Variants in FHIT observed in about 807,000 individuals in gnomAD.
FHIT encodes the protein bis(5'-adenosyl)-triphosphatase.
A neutral mutation model predicts 17.9 loss-of-function variants in FHIT; 19 were observed. The ratio of observed to expected loss-of-function variants is 1.06; its 90% confidence interval spans 0.74 to 1.56. FHIT has a LOEUF of 1.56. Ranked by LOEUF, FHIT falls within the 40% of genes most tolerant of loss-of-function variation. FHIT has a pLI of 0.00. For missense variants in FHIT, 248 were observed against 189.2 expected (o/e 1.31, Z -1.82); for synonymous variants, 81 against 69.7 (o/e 1.16, Z -0.81).
chr3:59,930,457 G>C (rs1705914165), intron 7 of FHIT, among the ~76,000 whole-genome samples: 1 of 152,118 alleles, frequency 6.6e-6, no homozygotes, highest in South Asian at 2.1e-4. Flanking sequence ...TAAAGATCTG[G>C]TTAGAGGTTC....
intron 4 of FHIT, among the ~76,000 whole-genome samples, chr3:60,817,604 G>A (rs887984806): frequency 4.6e-5 from 7 of 151,512 alleles, no homozygotes; most frequent in South Asian, 2.1e-4. Context: ...AGACGTCATC[G>A]TTCATTTAAA....
At chr3:60,519,210 G>GA (rs1559507932) in intron 5 of FHIT, among the ~76,000 whole-genome samples, 1 of 152,152 alleles carries the variant, frequency 6.6e-6, no homozygotes, top group African/African-American at 2.4e-5. Context: ...ACAGTGGGCA[G>GA]ATATTCTTAT....
At chr3:60,176,208 C>T (rs781376049) in intron 5 of FHIT, among the ~76,000 whole-genome samples, 6 of 152,010 alleles carry the variant, frequency 3.9e-5, no homozygotes, top group African/African-American at 7.3e-5. Flanking sequence ...AAAAATTAGC[C>T]GGGCATGTTG....
intron 5 of FHIT, among the ~76,000 whole-genome samples, chr3:60,111,518 C>T (rs977797911): frequency 6.6e-6 from 1 of 152,174 alleles, no homozygotes; most frequent in South Asian, 2.1e-4. Flanking sequence ...TGTAATTACC[C>T]ATTTCTTTGG....
intron 2 of FHIT, among the ~76,000 whole-genome samples, chr3:61,065,859 C>G (rs796150394): frequency 2.0e-5 from 3 of 152,166 alleles, no homozygotes; most frequent in African/African-American, 7.2e-5. Flanking sequence ...TTCTACAGAC[C>G]CATTACAGAC....
At chr3:60,386,253 T>C (rs1701007209) in intron 5 of FHIT, among the ~76,000 whole-genome samples, 1 of 152,072 alleles carries the variant, frequency 6.6e-6, no homozygotes. Context: ...ACTACCACTG[T>C]ACAGCGAGGG....
At chr3:60,931,591 CA>C (rs1553771826) in intron 3 of FHIT, among the ~76,000 whole-genome samples, 1 of 128,574 alleles carries the variant, frequency 7.8e-6, no homozygotes, top group Admixed American at 7.6e-5. Context: ...TTCCGGCTTC[CA>C]CCCCTGTTTG....
At chr3:60,798,790 C>A (rs2594163) in intron 4 of FHIT, among the ~76,000 whole-genome samples, 1 of 134,168 alleles carries the variant, frequency 7.5e-6, no homozygotes. Context: ...CTGAGTCTTG[C>A]TCTGTTGCCC....
At chr3:61,034,987 A>C (rs537968886) in intron 3 of FHIT, among the ~76,000 whole-genome samples, 1 of 152,348 alleles carries the variant, frequency 6.6e-6, no homozygotes, top group Non-Finnish European at 1.5e-5. Context: ...CTTCTGATAC[A>C]TCTTATAACC....
chr3:61,001,291 G>C (rs1208249159), intron 3 of FHIT, among the ~76,000 whole-genome samples: 1 of 152,148 alleles, frequency 6.6e-6, no homozygotes, highest in Non-Finnish European at 1.5e-5. Context: ...ATATTACCCA[G>C]AAGTGGCACT....
intron 5 of FHIT, among the ~76,000 whole-genome samples, chr3:60,255,486 C>A (rs913767063): frequency 1.3e-5 from 2 of 151,944 alleles, no homozygotes; most frequent in South Asian, 4.2e-4. Context: ...GCCAGCCGGA[C>A]AGAGCAAGCA....
intron 8 of FHIT, among the ~76,000 whole-genome samples, chr3:59,786,178 C>T (rs1286318669): frequency 2.0e-5 from 3 of 152,120 alleles, no homozygotes; most frequent in Non-Finnish European, 4.4e-5. Flanking sequence ...CTAGATAATC[C>T]GTGCCAATAA....
intron 5 of FHIT, among the ~76,000 whole-genome samples, chr3:60,397,818 T>G (rs1279375862): frequency 6.6e-6 from 1 of 152,212 alleles, no homozygotes; most frequent in Non-Finnish European, 1.5e-5. Context: ...ATCCTCACCT[T>G]TCACCTATTT....
intron 2 of FHIT, among the ~76,000 whole-genome samples, chr3:61,187,577 G>T (rs565398063): frequency 6.6e-6 from 1 of 152,080 alleles, no homozygotes; most frequent in African/African-American, 2.4e-5. Flanking sequence ...TGCAGCAAGC[G>T]GACCTAATAG....
At chr3:60,379,875 C>G (rs932515454) in intron 5 of FHIT, among the ~76,000 whole-genome samples, 1 of 152,258 alleles carries the variant, frequency 6.6e-6, no homozygotes, top group South Asian at 2.1e-4. Flanking sequence ...AAACACCTAC[C>G]TAAATATTCT....
At chr3:59,960,258 T>G (rs939570982) in intron 7 of FHIT, among the ~76,000 whole-genome samples, 2 of 152,180 alleles carry the variant, frequency 1.3e-5, no homozygotes, top group African/African-American at 4.8e-5. Context: ...TCAGAGACAC[T>G]TGGTAGCTTT....
rs891470679 is a variant in FHIT, at chr3:60,965,371, T to C, written c.-111+76676A>G. On this transcript the variant is annotated intron_variant, in intron 3 of 9. Coordinates refer to ENST00000492590, the MANE Select transcript of FHIT (RefSeq NM_002012.4). ...AGGTTTTTAGCTTCTTTGCGATGGG[T>C]TCGAACATCCTCCTTTAGCTTGGAG... is the stretch of plus-strand genomic sequence containing the variant. 6.6e-5 allele frequency among the ~76,000 whole-genome samples: 10 copies of C among 152,212 alleles called. No individual in the cohort carries two copies. In the East Asian group the frequency reaches 1.9e-3, roughly 29 times the overall value.
intron 5 of FHIT, among the ~76,000 whole-genome samples, chr3:60,058,706 A>G (rs1310726149): frequency 6.6e-6 from 1 of 152,154 alleles, no homozygotes; most frequent in Non-Finnish European, 1.5e-5. Context: ...AGGCATGCCA[A>G]CTCAAATCCA....
chr3:60,375,025 G>A (rs548185645), intron 5 of FHIT, among the ~76,000 whole-genome samples: 2 of 151,816 alleles, frequency 1.3e-5, no homozygotes, highest in African/African-American at 4.8e-5. Context: ...GGTAGCAGTG[G>A]TGTATGATAA....
Sources: allele counts gnomAD v4.1 joint callset (sites outside exome capture counted in the v4.1 genomes callset), GRCh38; gene constraint gnomAD v4.1.1; transcripts MANE v1.5; gene names NCBI Gene and HGNC (gene_info 2026-07-23, HGNC 2026-07-21).